The following ESRRG variants were observed in gnomAD, a reference collection of about 807,000 sequenced individuals.
ESRRG encodes the protein estrogen related receptor gamma, also known as estrogen-related receptor gamma.
Under a neutral mutation model 44.0 loss-of-function variants are expected in ESRRG, and 13 were observed. The observed-to-expected ratio is 0.30, with a 90% CI of 0.19 to 0.47. ESRRG has a LOEUF of 0.47. ESRRG is among the 20% of genes least tolerant of loss of function. The pLI is 1.00. For synonymous variants in ESRRG, 215 were observed against 214.6 expected (o/e 1.00, Z -0.02); for missense variants, 395 against 580.6 (o/e 0.68, Z 3.29).
At chr1:216,972,709 C>T (rs183584851) in intron 1 of ESRRG, among the ~76,000 whole-genome samples, 54 of 152,268 alleles carry the variant, frequency 3.5e-4, no homozygotes, top group Admixed American at 1.5e-3. Flanking sequence ...TGGCTGCATA[C>T]GCTTAGTCAG....
At chr1:216,744,223 A>C (rs1178392422) in intron 2 of ESRRG, among the ~76,000 whole-genome samples, 1 of 152,190 alleles carries the variant, frequency 6.6e-6, no homozygotes, top group Non-Finnish European at 1.5e-5. Flanking sequence ...ACGGCAATAA[A>C]ATAAAGAGCA....
Position 216,535,665 on chromosome 1 carries a change from A to G in ESRRG, c.863-16244T>C, listed in dbSNP as rs11801049. 6.8e-3 allele frequency among the ~76,000 whole-genome samples: 1,032 copies of G among 151,776 alleles called. 4 individuals carry two copies. Among genetic ancestry groups the G allele is most frequent in the African/African-American group, 0.024 (976 of 41,394 alleles). On this transcript the variant is annotated intron_variant, in intron 5 of 6. Coordinates refer to ENST00000408911, the MANE Select transcript of ESRRG (RefSeq NM_001438.4). ...CCACCTTGAAGATTTTGATCCACCA[A>G]TTTTCTACTTGGCCCCTCTCCATTT...
intron 2 of ESRRG, among the ~76,000 whole-genome samples, chr1:216,776,812 T>C (rs2093632813): frequency 6.6e-6 from 1 of 152,052 alleles, no homozygotes; most frequent in Admixed American, 6.6e-5. Context: ...GTGATGGTCA[T>C]GGAAGCCAGT....
chr1:216,596,768 T>C (rs1573802365), intron 3 of ESRRG, among the ~76,000 whole-genome samples: 2 of 152,246 alleles, frequency 1.3e-5, no homozygotes, highest in East Asian at 3.9e-4. Context: ...CTAAATTTAA[T>C]TTTTTTGCAA....
intron 2 of ESRRG, among the ~76,000 whole-genome samples, chr1:216,755,401 A>G (rs2152315691): frequency 6.6e-6 from 1 of 152,152 alleles, no homozygotes; most frequent in Admixed American, 6.6e-5. Flanking sequence ...TGTATATTGT[A>G]AAAAGGAGCA....
At chr1:216,920,916 G>A (rs1446888681) in intron 2 of ESRRG, among the ~76,000 whole-genome samples, 1 of 152,172 alleles carries the variant, frequency 6.6e-6, no homozygotes, top group Non-Finnish European at 1.5e-5. Flanking sequence ...TATGCTGTGA[G>A]CAAGGCACAC....
intron 1 of ESRRG, among the ~76,000 whole-genome samples, chr1:217,021,692 C>A (rs774103771): frequency 6.6e-6 from 1 of 152,166 alleles, no homozygotes; most frequent in Non-Finnish European, 1.5e-5. Context: ...GCAAATCAGG[C>A]AAGCACTTAA....
At chr1:216,961,662 C>T (rs564902529) in intron 1 of ESRRG, among the ~76,000 whole-genome samples, 19 of 150,672 alleles carry the variant, frequency 1.3e-4, no homozygotes, top group South Asian at 1.0e-3. Flanking sequence ...CTGTTTTCTA[C>T]GGCAGCATAT....
chr1:216,629,605 G>A (rs993860167), intron 3 of ESRRG, among the ~76,000 whole-genome samples: 19 of 152,252 alleles, frequency 1.2e-4, no homozygotes, highest in Admixed American at 5.2e-4. Context: ...TGTAGATGCT[G>A]CAATACACCA....
At chr1:217,030,152 T>C (rs1467332661) in intron 1 of ESRRG, among the ~76,000 whole-genome samples, 2 of 152,034 alleles carry the variant, frequency 1.3e-5, no homozygotes, top group Non-Finnish European at 2.9e-5. Context: ...CCTTTCTCTT[T>C]CTCTTTTTCT....
intron 1 of ESRRG, among the ~76,000 whole-genome samples, chr1:217,042,420 C>T (rs564418944): frequency 6.6e-6 from 1 of 151,446 alleles, no homozygotes; most frequent in Non-Finnish European, 1.5e-5. Context: ...CAGCTTGAAG[C>T]ACTCACCTAG....
intron 1 of ESRRG, among the ~76,000 whole-genome samples, chr1:217,050,423 T>C (rs1438665483): frequency 6.6e-6 from 1 of 152,116 alleles, no homozygotes; most frequent in East Asian, 1.9e-4. Context: ...CTTAGGTCAT[T>C]TGGGGACAAC....
intron 2 of ESRRG, among the ~76,000 whole-genome samples, chr1:216,758,786 G>T (rs1156749379): frequency 6.6e-6 from 1 of 151,812 alleles, no homozygotes; most frequent in Non-Finnish European, 1.5e-5. Flanking sequence ...AATTCAGGGG[G>T]TTATGTACTC....
chr1:216,911,335 C>A (rs940651754), intron 2 of ESRRG, among the ~76,000 whole-genome samples: 1 of 152,068 alleles, frequency 6.6e-6, no homozygotes, highest in African/African-American at 2.4e-5. Flanking sequence ...ATGGAGGAAC[C>A]TTAAATGTGG....
chr1:216,928,561 ACATTGATGATTCTTC>A (rs1343242438), intron 2 of ESRRG, among the ~76,000 whole-genome samples: 4 of 152,142 alleles, frequency 2.6e-5, no homozygotes, highest in Admixed American at 2.6e-4. Flanking sequence ...TTTCCTAAGC[ACATTGATGATTCTTC>A]CATCTATCCT....
chr1:216,614,537 A>G (rs1037565516), intron 3 of ESRRG, among the ~76,000 whole-genome samples: 3 of 152,198 alleles, frequency 2.0e-5, no homozygotes, highest in African/African-American at 7.2e-5. Flanking sequence ...TTTCCAAGTT[A>G]TATAATTTGA....
At chr1:216,836,390 T>A (rs190936747) in intron 2 of ESRRG, among the ~76,000 whole-genome samples, 8 of 152,356 alleles carry the variant, frequency 5.3e-5, no homozygotes, top group Non-Finnish European at 8.8e-5. Flanking sequence ...ATTAGGTTGC[T>A]GTCTCACCAG....
chr1:216,525,152 A>G (rs2047255581), intron 5 of ESRRG, among the ~76,000 whole-genome samples: 1 of 152,208 alleles, frequency 6.6e-6, no homozygotes, highest in Admixed American at 6.5e-5. Context: ...ATTTCAAGTG[A>G]CAATACAGGA....
chr1:216,900,951 T>C (rs1318582402), intron 2 of ESRRG, among the ~76,000 whole-genome samples: 2 of 152,150 alleles, frequency 1.3e-5, no homozygotes, highest in African/African-American at 4.8e-5. Flanking sequence ...AGAATATTCA[T>C]GCAGGGAGCC....
Sources: allele counts gnomAD v4.1 joint callset (sites outside exome capture counted in the v4.1 genomes callset), GRCh38; gene constraint gnomAD v4.1.1; transcripts MANE v1.5; gene names NCBI Gene and HGNC (gene_info 2026-07-23, HGNC 2026-07-21).